Variants in ITPR2 observed in about 807,000 individuals in gnomAD.
ITPR2 encodes inositol 1,4,5-trisphosphate receptor type 2, also known as inositol 1,4,5-trisphosphate-gated calcium channel ITPR2.
ITPR2 carries 207 observed loss-of-function variants against 317.1 expected under a neutral mutation model. That is an observed-to-expected ratio of 0.65 (90% CI 0.58 to 0.73). The LOEUF is 0.73. Among genes scored for constraint, ITPR2 ranks in the 30% least tolerant of loss-of-function variants. The pLI is 0.00. For missense variants in ITPR2, 2,613 were observed against 3,284.0 expected (o/e 0.80, Z 4.99); for synonymous variants, 1,156 against 1,149.1 (o/e 1.01, Z -0.12).
At chr12:26,389,270 A>C (rs1476819568) in intron 54 of ITPR2, among the ~76,000 whole-genome samples, 7 of 152,230 alleles carry the variant, frequency 4.6e-5, no homozygotes, top group Non-Finnish European at 1.0e-4. Context: ...GATAAAGGTC[A>C]AAGTCCTTAC....
At chr12:26,572,946 G>A (rs1373606521) in intron 34 of ITPR2, among the ~76,000 whole-genome samples, 1 of 151,682 alleles carries the variant, frequency 6.6e-6, no homozygotes, top group African/African-American at 2.4e-5. Flanking sequence ...CAGGACTTTT[G>A]GGGCAACATG....
rs773735961 is a variant in ITPR2, at chr12:26,602,439, A to G, written c.3609T>C (p.His1203=). ...CCCCCATATTTTTCAGTAATCGTTG[A>G]TGTTGATTCCGACACTTTTTATTCT... is the stretch of plus-strand genomic sequence containing the variant. ...CVQNKKCRNQ[H]QRLLKNMGAH... is the part of the protein sequence containing the mutation. Residue 1203 remains histidine, a synonymous_variant, in exon 28 of 57, where the codon CAT becomes CAC. Coordinates refer to ENST00000381340, the MANE Select transcript of ITPR2 (RefSeq NM_002223.4). The G allele has an allele frequency of 8.1e-6, 13 of 1,613,842 alleles. No homozygotes were observed. Among genetic ancestry groups the G allele is most frequent in the Non-Finnish European group, 1.0e-5 (12 of 1,179,770 alleles).
At chr12:26,446,213 C>T (rs2136746821) in intron 45 of ITPR2, among the ~76,000 whole-genome samples, 1 of 152,100 alleles carries the variant, frequency 6.6e-6, no homozygotes, top group East Asian at 1.9e-4. Flanking sequence ...AGTAGTACTG[C>T]CAGGAAGCCT....
chr12:26,818,035 T>C (rs188312515), intron 1 of ITPR2, among the ~76,000 whole-genome samples: 1 of 152,210 alleles, frequency 6.6e-6, no homozygotes, highest in Non-Finnish European at 1.5e-5. Flanking sequence ...TTTGGAGAAA[T>C]CACTAGTAGT....
intron 52 of ITPR2, among the ~76,000 whole-genome samples, chr12:26,407,230 G>A (rs1343326007): frequency 6.6e-6 from 1 of 152,224 alleles, no homozygotes; most frequent in African/African-American, 2.4e-5. Context: ...ATTAGGTGAA[G>A]TGCAGGTTAT....
intron 37 of ITPR2, among the ~76,000 whole-genome samples, chr12:26,509,594 G>T (rs1274369356): frequency 2.0e-5 from 3 of 152,132 alleles, no homozygotes; most frequent in Non-Finnish European, 4.4e-5. Flanking sequence ...TATTAGAATG[G>T]CACGTTTTGA....
At chr12:26,430,408 T>C (rs998609281) in intron 48 of ITPR2, among the ~76,000 whole-genome samples, 18 of 152,172 alleles carry the variant, frequency 1.2e-4, no homozygotes, top group Non-Finnish European at 2.1e-4. Context: ...TCAGTACAGG[T>C]GCCTGCCACC....
intron 43 of ITPR2, among the ~76,000 whole-genome samples, chr12:26,479,326 T>G (rs995465675): frequency 2.0e-5 from 3 of 151,938 alleles, no homozygotes; most frequent in Non-Finnish European, 4.4e-5. Context: ...ATCTTTGTGC[T>G]GTTAAGTGAT....
At chr12:26,789,159 T>A (rs1475016259) in intron 2 of ITPR2, among the ~76,000 whole-genome samples, 1 of 152,200 alleles carries the variant, frequency 6.6e-6, no homozygotes, top group Non-Finnish European at 1.5e-5. Context: ...TGGGGAGAAA[T>A]CTGGATCTCT....
At chr12:26,484,948 C>T (rs1206195693) in intron 41 of ITPR2, among the ~76,000 whole-genome samples, 5 of 152,144 alleles carry the variant, frequency 3.3e-5, no homozygotes, top group Admixed American at 6.5e-5. Flanking sequence ...ATCTCCTGGC[C>T]TTGTGATCCG....
At chr12:26,697,924 T>C (rs1948381033) in intron 9 of ITPR2, among the ~76,000 whole-genome samples, 1 of 152,106 alleles carries the variant, frequency 6.6e-6, no homozygotes, top group African/African-American at 2.4e-5. Flanking sequence ...AAGTCCACAT[T>C]AGCACCAACA....
chr12:26,735,891 T>C (rs1475145498), intron 2 of ITPR2, among the ~76,000 whole-genome samples: 1 of 152,236 alleles, frequency 6.6e-6, no homozygotes, highest in East Asian at 1.9e-4. Context: ...AATGGGAAGA[T>C]GCCCTTTTAA....
chr12:26,811,462 T>G (rs150851255), intron 1 of ITPR2, among the ~76,000 whole-genome samples: 1,846 of 142,784 alleles, frequency 0.013, 41 homozygotes, highest in African/African-American at 0.047. Flanking sequence ...ATACAAAAAA[T>G]TGGTTGGGCG....
At position 26,578,746 on chromosome 12, in the gene ITPR2, C is replaced by T; in HGVS notation, c.4597G>A (p.Val1533Met). The change falls in exon 34 of 57, where the codon GTG (valine) becomes ATG (methionine). Residue 1533 changes from valine to methionine, a missense_variant. Coordinates refer to ENST00000381340, the MANE Select transcript of ITPR2 (RefSeq NM_002223.4). The part of the protein sequence containing the change: ...TWPNPAQKAS[V>M]ESCIRTLAEV... ...GCCAAAGTTCTGATACAGGATTCCA[C>T]TGAGGCTTTCTGCGCTGGGTTTGGC... The T allele has an allele frequency of 3.1e-6, 5 of 1,610,340 alleles. No homozygotes were observed. Among genetic ancestry groups the T allele is most frequent in the Non-Finnish European group, 4.2e-6 (5 of 1,177,276 alleles).
At chr12:26,688,222 G>T (rs138088392) in intron 10 of ITPR2, among the ~76,000 whole-genome samples, 13 of 152,134 alleles carry the variant, frequency 8.5e-5, no homozygotes, top group African/African-American at 2.9e-4. Flanking sequence ...TATAATTGTT[G>T]TACTAACTGG....
At chr12:26,395,767 A>G (rs770331008) in intron 54 of ITPR2, among the ~76,000 whole-genome samples, 1 of 152,190 alleles carries the variant, frequency 6.6e-6, no homozygotes, top group Non-Finnish European at 1.5e-5. Flanking sequence ...TTATGCTTGA[A>G]TGAGAACCTG....
At chr12:26,814,712 T>A (rs1950819624) in intron 1 of ITPR2, among the ~76,000 whole-genome samples, 1 of 152,258 alleles carries the variant, frequency 6.6e-6, no homozygotes, top group Non-Finnish European at 1.5e-5. Flanking sequence ...ATAATTTGTA[T>A]ACACGTATAT....
In ITPR2 at chr12:26,735,847, C is replaced by T. The variant is rs76165945; in HGVS notation, c.164-10082G>A. ...AAAAACTATATTTTTAAATTAACTG[C>T]CCTGTCAAATTTGTATATAGACCAT... On this transcript the variant is annotated intron_variant, in intron 2 of 56. Coordinates refer to ENST00000381340, the MANE Select transcript of ITPR2 (RefSeq NM_002223.4). Among the ~76,000 whole-genome samples the T allele has an allele frequency of 2.6e-5, 4 of 152,280 alleles. No individual in the cohort carries two copies. The East Asian group carries it at 7.7e-4, about 29-fold the overall frequency.
Position 26,681,857 on chromosome 12 carries a change from C to A in ITPR2, c.1409+17G>T, listed in dbSNP as rs771086820. ...ACAACTGACTCGTGATTATTTAAGA[C>A]CAATTTAAAGAGTTACCTCCTTTCA... On this transcript the variant is annotated intron_variant, in intron 13 of 56. Coordinates refer to ENST00000381340, the MANE Select transcript of ITPR2 (RefSeq NM_002223.4). 1 of 1,520,892 alleles carries A rather than the reference C, an allele frequency of 6.6e-7. No homozygotes were observed. Among genetic ancestry groups the A allele is most frequent in the South Asian group, 1.1e-5 (1 of 87,142 alleles). The allele number at this position is 1,520,892 out of a possible 1,614,324, so 94.2% of individuals were successfully genotyped here.
Sources: gnomAD v4.1 joint callset for allele counts (sites outside exome capture counted in the v4.1 genomes callset) on GRCh38, gnomAD v4.1.1 for gene constraint, MANE v1.5 for transcripts, NCBI Gene and HGNC (gene_info 2026-07-23, HGNC 2026-07-21) for gene names.